SMYD3: variants seen among roughly 807,000 people sequenced by gnomAD.
SMYD3 encodes the protein histone-lysine N-methyltransferase SMYD3.
Under a neutral mutation model 57.7 loss-of-function variants are expected in SMYD3, and 36 were observed. The observed-to-expected ratio is 0.62, with a 90% CI of 0.48 to 0.82. The LOEUF (loss-of-function observed/expected upper bound fraction) is 0.82, where lower values mean the gene tolerates loss of function less well. Among genes scored for constraint, SMYD3 ranks in the 40% least tolerant of loss-of-function variants. The pLI is 0.00. For synonymous variants in SMYD3, 211 were observed against 195.0 expected (o/e 1.08, Z -0.68); for missense variants, 515 against 538.8 (o/e 0.96, Z 0.44).
At chr1:246,116,775 T>G (rs971768645) in intron 5 of SMYD3, among the ~76,000 whole-genome samples, 1 of 152,188 alleles carries the variant, frequency 6.6e-6, no homozygotes, top group Non-Finnish European at 1.5e-5. Context: ...CTTTAATTAA[T>G]TACCACATTT....
chr1:245,964,456 T>C (rs986373001), intron 5 of SMYD3, among the ~76,000 whole-genome samples: 1 of 152,072 alleles, frequency 6.6e-6, no homozygotes, highest in Non-Finnish European at 1.5e-5. Context: ...TTACCAGACA[T>C]ACTAAAAGGC....
chr1:246,283,131 C>A (rs73142843), intron 5 of SMYD3, among the ~76,000 whole-genome samples: 6,222 of 152,182 alleles, frequency 0.041, 429 homozygotes, highest in African/African-American at 0.14. Context: ...GCATGTAACC[C>A]CCCATAGAAA....
chr1:246,059,860 G>A (rs907496126), intron 5 of SMYD3, among the ~76,000 whole-genome samples: 1 of 152,228 alleles, frequency 6.6e-6, no homozygotes, highest in South Asian at 2.1e-4. Context: ...ATTTATGTTG[G>A]AACAGTAGGC....
chr1:246,045,649 A>G (rs1317592390), intron 5 of SMYD3, among the ~76,000 whole-genome samples: 1 of 152,208 alleles, frequency 6.6e-6, no homozygotes, highest in Non-Finnish European at 1.5e-5. Context: ...ATTAAACTAA[A>G]GAGCTTCTGC....
chr1:246,493,286 G>A (rs2068299711), intron 1 of SMYD3, among the ~76,000 whole-genome samples: 1 of 152,058 alleles, frequency 6.6e-6, no homozygotes, highest in African/African-American at 2.4e-5. Flanking sequence ...ACAACATAGT[G>A]AGACCTTGTC....
chr1:246,441,340 T>C (rs532558951), intron 1 of SMYD3, among the ~76,000 whole-genome samples: 1 of 152,288 alleles, frequency 6.6e-6, no homozygotes, highest in South Asian at 2.1e-4. Flanking sequence ...GCTGCAAAAT[T>C]TGTGGTTACA....
chr1:246,207,260 G>C (rs1572213084), intron 5 of SMYD3, among the ~76,000 whole-genome samples: 1 of 151,940 alleles, frequency 6.6e-6, no homozygotes, highest in Non-Finnish European at 1.5e-5. Context: ...GTTTACTCCT[G>C]TCTTTTAAAT....
chr1:245,988,469 A>ATAAG (rs2058747539), intron 5 of SMYD3: 1 of 150,496 alleles, frequency 6.6e-6, no homozygotes, highest in Non-Finnish European at 1.5e-5. Flanking sequence ...GATGGTGCTC[A>ATAAG]TAAGCAAACG....
At chr1:246,046,409 G>C (rs2059965157) in intron 5 of SMYD3, among the ~76,000 whole-genome samples, 1 of 152,020 alleles carries the variant, frequency 6.6e-6, no homozygotes, top group Admixed American at 6.6e-5. Context: ...CTCACTCATA[G>C]GTGGGAATTG....
At chr1:246,068,731 A>G (rs917975623) in intron 5 of SMYD3, among the ~76,000 whole-genome samples, 3 of 152,184 alleles carry the variant, frequency 2.0e-5, no homozygotes, top group Non-Finnish European at 4.4e-5. Flanking sequence ...AAAAAATACT[A>G]CTCTTATTAG....
At chr1:246,318,466 T>G (rs1295466791) in intron 5 of SMYD3, among the ~76,000 whole-genome samples, 3 of 152,186 alleles carry the variant, frequency 2.0e-5, no homozygotes. Context: ...TTTCTCACAT[T>G]CCTTCAATCC....
At chr1:245,793,600 C>A (rs1377927395) in intron 10 of SMYD3, among the ~76,000 whole-genome samples, 1 of 151,944 alleles carries the variant, frequency 6.6e-6, no homozygotes, top group Non-Finnish European at 1.5e-5. Context: ...TCAAAACAGG[C>A]CCCTCTTGGT....
rs11453523 is a variant in SMYD3, at chr1:246,051,133, CT to C, written c.532-121197del. ...ATTAACTTCTTTTTTTTTCTTACTC[CT>C]TTTTTTTTTTTTTTGAGACAAGGTC... On this transcript the variant is annotated intron_variant, in intron 5 of 11. Transcript: ENST00000490107. Among the ~76,000 whole-genome samples, 751 of 141,608 alleles carry C rather than the reference CT, an allele frequency of 5.3e-3. 6 individuals carry two copies. The highest frequency in any genetic ancestry group is 0.011 in the African/African-American group (426 of 38,700). 92.9% of individuals were successfully genotyped at this position (141,608 alleles called of 152,430 possible).
chr1:246,159,077 T>C (rs2062071709), intron 5 of SMYD3, among the ~76,000 whole-genome samples: 2 of 152,168 alleles, frequency 1.3e-5, no homozygotes, highest in African/African-American at 2.4e-5. Flanking sequence ...GAAGGCATCT[T>C]TGAGGCAGTC....
intron 5 of SMYD3, among the ~76,000 whole-genome samples, chr1:246,266,424 T>C (rs2064108206): frequency 7.0e-6 from 1 of 142,056 alleles, no homozygotes; most frequent in Non-Finnish European, 1.5e-5. Context: ...AGTATTAATA[T>C]ATTGAGTATA....
In SMYD3 at chr1:246,505,209, C is replaced by T. The variant is rs139756700; in HGVS notation, c.164+1845G>A. Among the ~76,000 whole-genome samples, 6 of 152,262 alleles carry T rather than the reference C, an allele frequency of 3.9e-5. No individual in the cohort carries two copies. In the East Asian group the frequency reaches 7.7e-4, roughly 20 times the overall value. On this transcript the variant is annotated intron_variant, in intron 1 of 11. Coordinates refer to ENST00000490107, the MANE Select transcript of SMYD3 (RefSeq NM_001167740.2). ...TTTCTATGTTTATGTTTGCTGATTT[C>T]CCCACTGGATAACTATCGGTGGGAA...
chr1:246,022,520 T>C (rs902861611), intron 5 of SMYD3, among the ~76,000 whole-genome samples: 16 of 152,334 alleles, frequency 1.1e-4, no homozygotes, highest in African/African-American at 3.6e-4. Flanking sequence ...CTCGTCTGTA[T>C]ATAAAGAGTT....
chr1:245,921,111 G>C (rs997765248), intron 7 of SMYD3, among the ~76,000 whole-genome samples: 5 of 152,172 alleles, frequency 3.3e-5, no homozygotes, highest in African/African-American at 9.7e-5. Flanking sequence ...CAAGTAAAAA[G>C]TGGGCCAAAG....
At chr1:245,970,158 C>A (rs1291933273) in intron 5 of SMYD3, among the ~76,000 whole-genome samples, 6 of 152,176 alleles carry the variant, frequency 3.9e-5, no homozygotes, top group African/African-American at 1.4e-4. Context: ...AATAATACCA[C>A]ACATCTACAA....
Sources: gnomAD v4.1 joint callset for allele counts (sites outside exome capture counted in the v4.1 genomes callset) on GRCh38, gnomAD v4.1.1 for gene constraint, MANE v1.5 for transcripts, NCBI Gene and HGNC (gene_info 2026-07-23, HGNC 2026-07-21) for gene names.